IL7: variants seen among roughly 807,000 people sequenced by gnomAD.
IL7 encodes interleukin-7.
IL7 carries 3 observed loss-of-function variants against 21.6 expected under a neutral mutation model. That is an observed-to-expected ratio of 0.14 (90% CI 0.06 to 0.36). The LOEUF (loss-of-function observed/expected upper bound fraction) is 0.36, where lower values mean the gene tolerates loss of function less well. Among genes scored for constraint, IL7 ranks in the 10% least tolerant of loss-of-function variants. The pLI, the probability that IL7 is intolerant of heterozygous loss-of-function variation, is 1.00. For synonymous variants in IL7, 62 were observed against 68.1 expected, an observed-to-expected ratio of 0.91 and a Z score of 0.44; for missense variants, 175 against 200.2, an observed-to-expected ratio of 0.87 and a Z score of 0.76.
intron 2 of IL7, among the ~76,000 whole-genome samples, chr8:78,780,794 T>C (rs764103128): frequency 1.1e-4 from 17 of 152,180 alleles, no homozygotes; most frequent in South Asian, 2.1e-4. Flanking sequence ...CTTGTTAATT[T>C]TCTGCCTCAA....
intron 3 of IL7, chr8:78,689,094 T>G: frequency 1.8e-6 from 1 of 555,042 alleles, no homozygotes; most frequent in Non-Finnish European, 2.7e-6. Context: ...GTTATAAGGA[T>G]ATGGGAATTT....
At chr8:78,677,745 C>A (rs1228535703) in intron 4 of IL7, among the ~76,000 whole-genome samples, 33 of 152,000 alleles carry the variant, frequency 2.2e-4, no homozygotes, top group Admixed American at 2.1e-3. Context: ...GGGTCCCAAT[C>A]CAGACACTAA....
intron 3 of IL7, among the ~76,000 whole-genome samples, chr8:78,694,908 C>T (rs924764557): frequency 5.9e-5 from 9 of 152,164 alleles, no homozygotes; most frequent in African/African-American, 1.9e-4. Context: ...TGGATTTATA[C>T]AAAATTGTTG....
At chr8:78,686,100 T>TA (rs1481842573) in intron 3 of IL7, among the ~76,000 whole-genome samples, 1 of 152,148 alleles carries the variant, frequency 6.6e-6, no homozygotes, top group Non-Finnish European at 1.5e-5. Flanking sequence ...CATAATGACT[T>TA]AATCACCTTT....
chr8:78,762,623 A>G (rs1010729480), intron 2 of IL7, among the ~76,000 whole-genome samples: 1 of 147,392 alleles, frequency 6.8e-6, no homozygotes, highest in Non-Finnish European at 1.5e-5. Context: ...TGAAATTCTC[A>G]TTGAAGACAT....
At chr8:78,686,996 T>C (rs935908468) in intron 3 of IL7, among the ~76,000 whole-genome samples, 2 of 152,110 alleles carry the variant, frequency 1.3e-5, no homozygotes, top group African/African-American at 2.4e-5. Flanking sequence ...TCATCTGAGA[T>C]TGATATAAAA....
intron 2 of IL7, among the ~76,000 whole-genome samples, chr8:78,769,436 T>G (rs1335537520): frequency 1.3e-5 from 2 of 152,094 alleles, no homozygotes; most frequent in Admixed American, 1.3e-4. Context: ...CATTCACAAT[T>G]GCTTCAAAGA....
intron 1 of IL7, 136 bp downstream of exon 1, chr8:78,804,777 C>G: frequency 1.1e-6 from 1 of 926,954 alleles, no homozygotes; most frequent in Non-Finnish European, 1.7e-6. Context: ...ATGGGAGAGC[C>G]AGTGCTCTCC....
chr8:78,721,732 T>C (rs537510626), intron 3 of IL7, among the ~76,000 whole-genome samples: 2 of 152,104 alleles, frequency 1.3e-5, no homozygotes, highest in African/African-American at 4.8e-5. Context: ...GGTGGAAATA[T>C]AAATAGATCA....
intron 3 of IL7, chr8:78,689,327 A>C: frequency 1.2e-6 from 2 of 1,603,576 alleles, no homozygotes; most frequent in East Asian, 2.3e-5. Context: ...AATAAAGGGA[A>C]ATTTTCTACA....
intron 4 of IL7, among the ~76,000 whole-genome samples, chr8:78,684,830 A>G (rs1809911330): frequency 6.6e-6 from 1 of 152,218 alleles, no homozygotes; most frequent in Admixed American, 6.5e-5. Flanking sequence ...CAAAGTAAAA[A>G]AATACTACTG....
intron 3 of IL7, among the ~76,000 whole-genome samples, chr8:78,688,167 T>C (rs1485961759): frequency 6.6e-6 from 1 of 151,812 alleles, no homozygotes; most frequent in Non-Finnish European, 1.5e-5. Context: ...CCTGGGCCTC[T>C]TTTAATACTA....
At chr8:78,696,428 A>T (rs565820376) in intron 3 of IL7, among the ~76,000 whole-genome samples, 1 of 152,288 alleles carries the variant, frequency 6.6e-6, no homozygotes, top group Admixed American at 6.5e-5. Flanking sequence ...TGGTTGAAGC[A>T]TTGGGCTAGA....
intron 2 of IL7, among the ~76,000 whole-genome samples, chr8:78,744,854 G>A (rs1323809253): frequency 1.3e-5 from 2 of 152,190 alleles, no homozygotes; most frequent in Non-Finnish European, 2.9e-5. Flanking sequence ...AGATTCGTGG[G>A]AAGAGTGTGG....
intron 2 of IL7, among the ~76,000 whole-genome samples, chr8:78,744,733 C>A (rs1461335945): frequency 6.6e-6 from 1 of 152,186 alleles, no homozygotes; most frequent in African/African-American, 2.4e-5. Flanking sequence ...TCCTGGTTCT[C>A]CAACATGTGC....
At chr8:78,687,768 C>A in intron 3 of IL7, among the ~76,000 whole-genome samples, 1 of 56,998 alleles carries the variant, frequency 1.8e-5, no homozygotes, top group Non-Finnish European at 3.6e-5. Flanking sequence ...TTACGTAAGA[C>A]ATTATATATA....
chr8:78,735,064 G>A (rs889949379), intron 5 of IL7, among the ~76,000 whole-genome samples: 3 of 151,856 alleles, frequency 2.0e-5, no homozygotes, highest in East Asian at 3.9e-4. Flanking sequence ...GAAATATAAA[G>A]GCAAACTTTT....
chr8:78,804,682 T>C (rs7832476), intron 1 of IL7, among the ~76,000 whole-genome samples: 15,593 of 152,208 alleles, frequency 0.1, 864 homozygotes, highest in Middle Eastern at 0.14. Context: ...TTGGGGACTG[T>C]TACTCGCAGC....
At chr8:78,703,281 A>G (rs184334829) in intron 3 of IL7, among the ~76,000 whole-genome samples, 29 of 152,298 alleles carry the variant, frequency 1.9e-4, no homozygotes, top group African/African-American at 5.3e-4. Flanking sequence ...GTAAATATCT[A>G]TCAGGTCCAT....
Sources: allele counts gnomAD v4.1 joint callset (sites outside exome capture counted in the v4.1 genomes callset), GRCh38; gene constraint gnomAD v4.1.1; transcripts MANE v1.5; gene names NCBI Gene and HGNC (gene_info 2026-07-23, HGNC 2026-07-21).